The following NCOR2 variants were observed in gnomAD, a reference collection of about 807,000 sequenced individuals.
NCOR2 encodes the protein CTG repeat protein 26.
NCOR2 carries 81 observed loss-of-function variants against 262.9 expected under a neutral mutation model. That is an observed-to-expected ratio of 0.31 (90% CI 0.26 to 0.37). The LOEUF is 0.37. Among genes scored for constraint, NCOR2 ranks in the 10% least tolerant of loss-of-function variants. The pLI, the probability that NCOR2 is intolerant of heterozygous loss-of-function variation, is 1.00. For missense variants in NCOR2, 3,385 were observed against 3,621.4 expected (o/e 0.93, Z 1.68); for synonymous variants, 1,659 against 1,559.3 (o/e 1.06, Z -1.51).
chr12:124,461,455 G>A (rs1486644147), intron 5 of NCOR2, among the ~76,000 whole-genome samples: 4 of 152,358 alleles, frequency 2.6e-5, no homozygotes, highest in Admixed American at 6.5e-5. Flanking sequence ...CTGGGTCTGC[G>A]TGGCCAGGCC....
chr12:124,354,665 G>A, intron 25 of NCOR2, 83 bp from the exon 28 acceptor site: 1 of 1,353,412 alleles, frequency 7.4e-7, no homozygotes, highest in Non-Finnish European at 9.9e-7. Flanking sequence ...TGAGCCAGGG[G>A]CTGGGAAGCG....
intron 10 of NCOR2, among the ~76,000 whole-genome samples, chr12:124,428,645 C>G: frequency 6.6e-6 from 1 of 152,202 alleles, no homozygotes; most frequent in East Asian, 1.9e-4. Context: ...GTCTGCTCCG[C>G]CCAGGAGGGG....
intron 20 of NCOR2, among the ~76,000 whole-genome samples, chr12:124,369,809 G>A (rs1000911148): frequency 4.6e-5 from 7 of 152,182 alleles, no homozygotes; most frequent in South Asian, 4.1e-4. Context: ...CCCAGCTCGG[G>A]GAGGGAGGAC....
intron 1 of NCOR2, among the ~76,000 whole-genome samples, chr12:124,516,558 C>T (rs555779825): frequency 1.8e-4 from 27 of 152,282 alleles, no homozygotes; most frequent in Admixed American, 4.6e-4. Flanking sequence ...TTACGGAGGC[C>T]CACCCAGGCC....
chr12:124,498,911 C>T (rs117566808), upstream of NCOR2, among the ~76,000 whole-genome samples: 113 of 152,270 alleles, frequency 7.4e-4, no homozygotes, highest in East Asian at 0.018. Context: ...CCTGACTCCA[C>T]GGATATGAAA....
At chr12:124,356,682 C>T (rs200770364) in exon 23 of NCOR2, 24 of 1,468,100 alleles carry the variant, frequency 1.6e-5, no homozygotes, top group Middle Eastern at 1.8e-4. Flanking sequence ...CCGGGGCATG[C>T]GGGGAGGCCT....
intron 20 of NCOR2, among the ~76,000 whole-genome samples, chr12:124,366,095 C>T (rs1026733546): frequency 1.3e-5 from 2 of 152,228 alleles, no homozygotes; most frequent in African/African-American, 4.8e-5. Flanking sequence ...TAGGCACACA[C>T]CAGGCAAATG....
rs572887939 is a variant in NCOR2 at position 124,371,624 on chromosome 12, G to A, written c.2807+398C>T. Among the ~76,000 whole-genome samples the A allele has an allele frequency of 7.9e-5, 12 of 152,282 alleles. No individual in the cohort carries two copies. In the East Asian group the frequency reaches 1.5e-3, roughly 20 times the overall value. ...GCGGGATGGATCTGCCCAGAGGCTC[G>A]GAGGCTGCGTCTCGGCCTGCATGGT... On this transcript the variant is annotated intron_variant, in intron 20 of 46. Coordinates refer to ENST00000405201, the Ensembl canonical transcript of NCOR2.
chr12:124,447,691 TTTCTTTC>T (rs2045266021), intron 7 of NCOR2, among the ~76,000 whole-genome samples: 1 of 149,544 alleles, frequency 6.7e-6, no homozygotes, highest in African/African-American at 2.6e-5. Flanking sequence ...TTCTTTTTTC[TTTCTTTC>T]TTTTTTTTTT....
chr12:124,537,840 G>A, upstream of NCOR2: 1 of 152,282 alleles, frequency 6.6e-6, no homozygotes, highest in African/African-American at 2.4e-5. Flanking sequence ...CTTCTTTCCT[G>A]CCCTTTTTTC....
intron 8 of NCOR2, among the ~76,000 whole-genome samples, chr12:124,435,461 G>GCAA (rs2044280524): frequency 6.6e-6 from 1 of 152,344 alleles, no homozygotes; most frequent in African/African-American, 2.4e-5. Context: ...AGCAGGGCTT[G>GCAA]GGTCCCGAGG....
In NCOR2 at chr12:124,439,522, C is replaced by T. The variant is rs1308398838; in HGVS notation, c.816-1526G>A. ...AAACAGAGACCCAGAGAGAGAGAGA[C>T]GGAGACAGAGACCCAGAGAGGGAAA... On this transcript the variant is annotated intron_variant, in intron 7 of 46. Transcript: ENST00000405201. 2.0e-4 allele frequency among the ~76,000 whole-genome samples: 23 copies of T among 114,948 alleles called. 1 individual carries two copies. In the East Asian group the frequency reaches 2.1e-3, roughly 11 times the overall value. 75.4% of individuals were successfully genotyped at this position (114,948 alleles called of 152,430 possible). A position where few individuals can be genotyped will look rare whatever the true frequency, so the allele number is the denominator to read the frequency against.
At chr12:124,493,944 G>A (rs190860959) in intron 1 of NCOR2, among the ~76,000 whole-genome samples, 25 of 152,264 alleles carry the variant, frequency 1.6e-4, no homozygotes, top group Non-Finnish European at 2.9e-4. Flanking sequence ...GGATGAGAGC[G>A]TGAGCTGCTC....
chr12:124,344,200 G>A lies in NCOR2; in HGVS notation c.4714+397C>T, dbSNP rs148363332. 4.0e-3 allele frequency among the ~76,000 whole-genome samples: 610 copies of A among 152,356 alleles called. 2 individuals are homozygous for A. The highest frequency in any genetic ancestry group is 0.014 in the African/African-American group (583 of 41,576). On this transcript the variant is annotated intron_variant, in intron 32 of 46. Coordinates refer to ENST00000405201, the Ensembl canonical transcript of NCOR2. ...GGGGCTGGGGAGGACGAAGGAATCC[G>A]GCTGAATGAGAGGCAGGCAGGGCCC...
chr12:124,494,220 G>GACAC (rs368597712), intron 1 of NCOR2, among the ~76,000 whole-genome samples: 3 of 151,784 alleles, frequency 2.0e-5, no homozygotes, highest in South Asian at 2.1e-4. Context: ...AGGCAGGACA[G>GACAC]ACACACACAC....
intron 7 of NCOR2, among the ~76,000 whole-genome samples, chr12:124,439,478 G>A (rs11616045): frequency 0.56 from 72,463 of 130,560 alleles, 20,382 homozygotes; most frequent in Non-Finnish European, 0.64. Flanking sequence ...GAGGGAGACA[G>A]AGACCCAGAG....
chr12:124,420,664 T>C (rs1392397837), intron 12 of NCOR2, among the ~76,000 whole-genome samples: 3 of 152,220 alleles, frequency 2.0e-5, no homozygotes, highest in Non-Finnish European at 4.4e-5. Context: ...CAGCCCTCCA[T>C]GAACCCCGGC....
intron 13 of NCOR2, among the ~76,000 whole-genome samples, chr12:124,414,528 C>A (rs938198202): frequency 1.3e-5 from 2 of 152,222 alleles, no homozygotes; most frequent in African/African-American, 4.8e-5. Context: ...TCCCATCCCC[C>A]ACCAGCCATC....
intron 5 of NCOR2, among the ~76,000 whole-genome samples, chr12:124,461,420 G>A (rs765414855): frequency 3.3e-5 from 5 of 152,220 alleles, no homozygotes; most frequent in Admixed American, 6.5e-5. Context: ...GTTCTCATTC[G>A]AGCAGTGGCA....
Sources: gnomAD v4.1 joint callset for allele counts (sites outside exome capture counted in the v4.1 genomes callset) on GRCh38, gnomAD v4.1.1 for gene constraint, MANE v1.5 for transcripts, NCBI Gene and HGNC (gene_info 2026-07-23, HGNC 2026-07-21) for gene names.